The following KIAA1328 variants were observed in gnomAD, a reference collection of about 807,000 sequenced individuals.
KIAA1328 encodes protein hinderin.
In KIAA1328, 52 loss-of-function variants were observed where a neutral mutation model predicts 68.1. That is an observed-to-expected ratio of 0.76 (90% CI 0.61 to 0.96). The LOEUF (loss-of-function observed/expected upper bound fraction) is 0.96, where lower values mean the gene tolerates loss of function less well. Ranked by LOEUF, KIAA1328 falls within the 40% of genes least tolerant of loss-of-function variation. The pLI, the probability that KIAA1328 is intolerant of heterozygous loss-of-function variation, is 0.00. For synonymous variants in KIAA1328, 232 were observed against 239.4 expected, an observed-to-expected ratio of 0.97 and a Z score of 0.28; for missense variants, 641 against 677.6, an observed-to-expected ratio of 0.95 and a Z score of 0.60.
chr18:37,022,159 G>C (rs2054373644), intron 6 of KIAA1328, among the ~76,000 whole-genome samples: 1 of 152,146 alleles, frequency 6.6e-6, no homozygotes, highest in Admixed American at 6.5e-5. Context: ...TGAAATTAAA[G>C]TGGGAGAGGA....
At chr18:37,036,105 A>G (rs1043170419) in intron 6 of KIAA1328, among the ~76,000 whole-genome samples, 1 of 152,132 alleles carries the variant, frequency 6.6e-6, no homozygotes, top group Non-Finnish European at 1.5e-5. Flanking sequence ...AGTAATGGCC[A>G]AAAAAAGGGT....
intron 6 of KIAA1328, among the ~76,000 whole-genome samples, chr18:37,006,246 A>G (rs2053777671): frequency 6.6e-6 from 1 of 152,184 alleles, no homozygotes; most frequent in South Asian, 2.1e-4. Context: ...GAAGATGTAT[A>G]ATGTGTAAAC....
intron 6 of KIAA1328, among the ~76,000 whole-genome samples, chr18:37,049,897 A>C (rs990523056): frequency 1.8e-4 from 27 of 152,174 alleles, no homozygotes; most frequent in African/African-American, 5.8e-4. Flanking sequence ...CAGTGTACGT[A>C]CTTTTTCCTT....
At chr18:37,082,680 A>G (rs1013174346) in intron 7 of KIAA1328, among the ~76,000 whole-genome samples, 1 of 152,206 alleles carries the variant, frequency 6.6e-6, no homozygotes, top group African/African-American at 2.4e-5. Context: ...GCATTTACTT[A>G]AATTGTAATT....
rs978899645 is a variant in KIAA1328 at position 37,067,424 on chromosome 18, A to T, written c.1111A>T (p.Met371Leu). 1 of 1,604,588 alleles carries T rather than the reference A, an allele frequency of 6.2e-7. No homozygotes were observed. The highest frequency in any genetic ancestry group is 2.2e-5 in the East Asian group (1 of 44,662). ...CTCAGAAGATAGAAAGCAGCAACTG[A>T]TGCTTCAGAAAATGGAACTGGAAAT... ...QISEDRKQQLMLQKMELEIEK... is the reference protein window; with the variant it reads ...QISEDRKQQLLLQKMELEIEK... The change falls in exon 7 of 10, where the codon ATG becomes TTG. Residue 371 changes from methionine to leucine, a missense_variant. Met to Leu is a conservative substitution (Grantham distance 15). Coordinates refer to ENST00000280020, the MANE Select transcript of KIAA1328 (RefSeq NM_020776.3).
At chr18:36,902,434 T>C (rs1239500942) in intron 5 of KIAA1328, 1 of 152,102 alleles carries the variant, frequency 6.6e-6, no homozygotes, top group Non-Finnish European at 1.5e-5. Flanking sequence ...TGCCGTGATA[T>C]TTAGTCTAAC....
intron 7 of KIAA1328, among the ~76,000 whole-genome samples, chr18:37,151,993 C>T (rs977166806): frequency 6.7e-6 from 1 of 149,998 alleles, no homozygotes; most frequent in African/African-American, 2.5e-5. Context: ...ATGAAGAGAG[C>T]TTCCTTAGGA....
intron 5 of KIAA1328, among the ~76,000 whole-genome samples, chr18:36,943,106 C>A (rs1229513861): frequency 2.0e-5 from 3 of 152,298 alleles, no homozygotes; most frequent in East Asian, 3.9e-4. Context: ...TGTACCTGGG[C>A]AGAGTGCCTT....
intron 5 of KIAA1328, among the ~76,000 whole-genome samples, chr18:36,913,353 T>TA (rs2049532607): frequency 6.8e-6 from 1 of 147,202 alleles, no homozygotes; most frequent in African/African-American, 2.5e-5. Context: ...ACCTTGTCTC[T>TA]ACAAAAAAAA....
chr18:37,182,457 T>G (rs1006832625), intron 9 of KIAA1328, among the ~76,000 whole-genome samples: 7 of 152,262 alleles, frequency 4.6e-5, no homozygotes, highest in African/African-American at 1.7e-4. Flanking sequence ...TAATAATATC[T>G]CCCTCATAGG....
chr18:37,117,499 T>TG (rs1323483480), intron 7 of KIAA1328, among the ~76,000 whole-genome samples: 1 of 152,074 alleles, frequency 6.6e-6, no homozygotes, highest in African/African-American at 2.4e-5. Context: ...GTCATGGGAT[T>TG]GGGGGAGGGA....
At chr18:37,045,761 A>G (rs547565245) in intron 6 of KIAA1328, among the ~76,000 whole-genome samples, 1 of 152,322 alleles carries the variant, frequency 6.6e-6, no homozygotes, top group South Asian at 2.1e-4. Flanking sequence ...TTTGACCAAG[A>G]TGTTCAGGCA....
At chr18:36,952,246 A>G (rs1172844076) in intron 5 of KIAA1328, among the ~76,000 whole-genome samples, 1 of 152,100 alleles carries the variant, frequency 6.6e-6, no homozygotes, top group African/African-American at 2.4e-5. Context: ...TCAATGTCAC[A>G]TGTTCTCTGG....
At chr18:37,128,656 C>T (rs2058450118) in intron 7 of KIAA1328, among the ~76,000 whole-genome samples, 1 of 152,092 alleles carries the variant, frequency 6.6e-6, no homozygotes, top group Admixed American at 6.6e-5. Context: ...CTAGGTATTT[C>T]CCCAAGACAA....
intron 7 of KIAA1328, among the ~76,000 whole-genome samples, chr18:37,118,271 A>G (rs2058176699): frequency 6.6e-6 from 1 of 152,138 alleles, no homozygotes; most frequent in African/African-American, 2.4e-5. Flanking sequence ...CTAGGCTTAC[A>G]GGTGTGAGCC....
intron 7 of KIAA1328, among the ~76,000 whole-genome samples, chr18:37,100,785 G>A (rs934052194): frequency 4.6e-5 from 7 of 152,140 alleles, no homozygotes; most frequent in Non-Finnish European, 8.8e-5. Flanking sequence ...GGGGCAGACC[G>A]ACACCTCACA....
At chr18:36,913,525 T>TACACAC (rs1598691858) in intron 5 of KIAA1328, among the ~76,000 whole-genome samples, 2 of 46,778 alleles carry the variant, frequency 4.3e-5, no homozygotes, top group East Asian at 6.2e-4. Flanking sequence ...CACACACACT[T>TACACAC]AGAGGAAAGC....
chr18:37,077,329 A>G (rs934390544), intron 7 of KIAA1328, among the ~76,000 whole-genome samples: 1 of 139,714 alleles, frequency 7.2e-6, no homozygotes. Context: ...GATGGGACGT[A>G]TCTCAAAATA....
chr18:36,910,493 G>C (rs2049398639), intron 5 of KIAA1328, among the ~76,000 whole-genome samples: 1 of 151,948 alleles, frequency 6.6e-6, no homozygotes, highest in Non-Finnish European at 1.5e-5. Context: ...TTCTGTTTTG[G>C]TACCAGTACC....
Sources: gnomAD v4.1 joint callset for allele counts (sites outside exome capture counted in the v4.1 genomes callset) on GRCh38, gnomAD v4.1.1 for gene constraint, MANE v1.5 for transcripts, NCBI Gene and HGNC (gene_info 2026-07-23, HGNC 2026-07-21) for gene names.